EPG5: variants seen among roughly 807,000 people sequenced by gnomAD.
EPG5 encodes the protein ectopic P-granules 5 autophagy tethering factor, also known as ectopic P granules protein 5 homolog.
EPG5 carries 159 observed loss-of-function variants against 302.7 expected under a neutral mutation model. The ratio of observed to expected loss-of-function variants is 0.53; its 90% CI spans 0.46 to 0.60. EPG5 has a LOEUF of 0.60. Ranked by LOEUF, EPG5 falls within the 20% of genes least tolerant of loss-of-function variation. The pLI is 0.00. For synonymous variants in EPG5, 1,158 were observed against 1,136.8 expected, an observed-to-expected ratio of 1.02 and a Z score of -0.37; for missense variants, 2,896 against 3,092.4, an observed-to-expected ratio of 0.94 and a Z score of 1.51.
At chr18:45,952,066 G>A (rs1327100524) in intron 3 of EPG5, among the ~76,000 whole-genome samples, 4 of 152,156 alleles carry the variant, frequency 2.6e-5, no homozygotes, top group African/African-American at 4.8e-5. Context: ...GAAGTATTCC[G>A]ATGATTACTT....
chr18:45,816,145 T>C, the EPG5 span, among the ~76,000 whole-genome samples: 1 of 152,212 alleles, frequency 6.6e-6, no homozygotes, highest in African/African-American at 2.4e-5. Context: ...CAACTCAAGA[T>C]GGATTAAGGA....
chr18:45,925,907 T>C lies in EPG5; in HGVS notation c.2554-5A>G, dbSNP rs757039433. The C allele has an allele frequency of 1.5e-6, 2 of 1,377,300 alleles. No homozygotes were observed. Among genetic ancestry groups the C allele is most frequent in the South Asian group, 2.1e-5 (1 of 48,616 alleles). The allele number at this position is 1,377,300 out of a possible 1,614,324, so 85.3% of individuals were successfully genotyped here. Reference sequence around the variant, plus strand: ...TTTAAACAAGTATAGAGAAACCTTATTAAAAAGAAAACAATAATCATTAAA... The same window carrying C: ...TTTAAACAAGTATAGAGAAACCTTACTAAAAAGAAAACAATAATCATTAAA... On this transcript the variant is annotated splice_polypyrimidine_tract_variant and splice_region_variant and intron_variant, in intron 13 of 43. Transcript: ENST00000282041.
At position 45,870,553 on chromosome 18, in the gene EPG5, A is replaced by C; in HGVS notation, c.6225+14T>G. ...GATCTCTCTAGGCTGCGATGCCGGGAATGAAGGGCTTACTTTGAAGAAGGC... is the reference window on the plus strand; with the variant it reads ...GATCTCTCTAGGCTGCGATGCCGGGCATGAAGGGCTTACTTTGAAGAAGGC... On this transcript the variant is annotated intron_variant, in intron 36 of 43. Transcript: ENST00000282041. 6.2e-7 allele frequency: 1 copy of C among 1,610,174 alleles called. No individual in the cohort carries two copies. The highest frequency in any genetic ancestry group is 8.5e-7 in the Non-Finnish European group (1 of 1,177,106).
chr18:45,872,695 C>G (rs531537309), intron 35 of EPG5, among the ~76,000 whole-genome samples: 1 of 152,182 alleles, frequency 6.6e-6, no homozygotes, highest in East Asian at 1.9e-4. Flanking sequence ...CAGAGTGAGA[C>G]TCCTTGTCCA....
chr18:45,924,026 CAAAA>C (rs533114460), intron 14 of EPG5, among the ~76,000 whole-genome samples: 3 of 96,466 alleles, frequency 3.1e-5, no homozygotes, highest in Admixed American at 1.2e-4. Flanking sequence ...GATTCTGACT[CAAAA>C]AAAAAAAAAA....
At chr18:45,842,330 C>A in the EPG5 span, 3 of 784,936 alleles carry the variant, frequency 3.8e-6, 1 homozygote, top group Non-Finnish European at 2.1e-6. Context: ...AAGGTCAAGA[C>A]CCTGCTCAAG....
In EPG5 at chr18:45,952,459, T is replaced by C. The variant is rs748217443; in HGVS notation, c.1193A>G (p.Tyr398Cys). The C allele has an allele frequency of 9.9e-6, 16 of 1,614,204 alleles. No individual in the cohort carries two copies. Among genetic ancestry groups the C allele is most frequent in the African/African-American group, 9.3e-5 (7 of 75,054 alleles). ...LSRLQVESYI[Y>C]ALLSSSAVLR... ...AACAGCTGAACTACTGAGCAATGCATAGATGTAAGACTCCACTTGCAATCT... is the reference window on the plus strand; with the variant it reads ...AACAGCTGAACTACTGAGCAATGCACAGATGTAAGACTCCACTTGCAATCT... The change falls in exon 3 of 44, where the codon TAT (tyrosine) becomes TGT (cysteine). Residue 398 changes from tyrosine (Y) to cysteine (C), a missense_variant. This residue lies in a region of EPG5 where 1,390 missense variants were observed against 1,430.0 expected (regional missense o/e 0.97). Coordinates refer to ENST00000282041, the MANE Select transcript of EPG5 (RefSeq NM_020964.3).
At chr18:45,937,876 T>G (rs893683264) in intron 10 of EPG5, among the ~76,000 whole-genome samples, 2 of 152,200 alleles carry the variant, frequency 1.3e-5, no homozygotes, top group African/African-American at 4.8e-5. Flanking sequence ...TTAAGAACAA[T>G]AGCTGTCAAC....
chr18:45,891,953 G>A (rs920148228), intron 27 of EPG5, among the ~76,000 whole-genome samples: 5 of 152,130 alleles, frequency 3.3e-5, no homozygotes, highest in African/African-American at 7.2e-5. Flanking sequence ...CAGTTAGACC[G>A]GGACTATGCG....
At chr18:45,846,504 A>T (rs2048365257), downstream of EPG5, among the ~76,000 whole-genome samples, 1 of 144,918 alleles carries the variant, frequency 6.9e-6, no homozygotes, top group Non-Finnish European at 1.5e-5. Flanking sequence ...CTAGGCAACA[A>T]GAGCAAAACT....
At chr18:45,937,955 T>C (rs1319825957) in intron 10 of EPG5, among the ~76,000 whole-genome samples, 2 of 152,134 alleles carry the variant, frequency 1.3e-5, no homozygotes, top group East Asian at 1.9e-4. Context: ...GCTCAATATA[T>C]AAGCTCTAGT....
chr18:45,868,514 T>G (rs2048797587), intron 36 of EPG5, among the ~76,000 whole-genome samples: 1 of 151,422 alleles, frequency 6.6e-6, no homozygotes, highest in African/African-American at 2.4e-5. Context: ...ATTTTTTATT[T>G]TATTATTTTA....
the EPG5 span, among the ~76,000 whole-genome samples, chr18:45,801,716 T>C: frequency 6.6e-6 from 1 of 152,138 alleles, no homozygotes; most frequent in African/African-American, 2.4e-5. Flanking sequence ...CTTAATCACT[T>C]ACAGTCCCAC....
intron 30 of EPG5, among the ~76,000 whole-genome samples, chr18:45,883,262 C>T (rs1326365181): frequency 6.6e-6 from 1 of 152,060 alleles, no homozygotes; most frequent in Admixed American, 6.5e-5. Context: ...CCTTCACTGG[C>T]GACAGTGCCA....
At position 45,954,507 on chromosome 18, in the gene EPG5, G is replaced by A. The variant is rs767638289; in HGVS notation, c.895C>T (p.Arg299Ter). Reference sequence around the variant, plus strand: ...GCCAGCAGCAGTTGCTTCCTACATCGTGAGTAGTTCAAAAGCAACTCATAA... The same window carrying A: ...GCCAGCAGCAGTTGCTTCCTACATCATGAGTAGTTCAAAAGCAACTCATAA... Reference protein sequence around the residue: ...EFYELLLNYSRCRKQLLLAEA... With the variant: ...EFYELLLNYS The change falls in exon 2 of 44, where the codon CGA (arginine) becomes TGA (stop). Residue 299 changes from arginine to a stop codon, truncating the protein, a stop_gained. Coordinates refer to ENST00000282041, the MANE Select transcript of EPG5 (RefSeq NM_020964.3). LOFTEE classifies it high-confidence loss of function. 6 of 1,614,232 alleles carry A rather than the reference G, an allele frequency of 3.7e-6. No individual in the cohort carries two copies. The highest frequency in any genetic ancestry group is 1.6e-4 in the Middle Eastern group (1 of 6,062).
Position 45,948,472 on chromosome 18 carries a change from T to C in EPG5, c.1571+31A>G, listed in dbSNP as rs750581144. ...CCTTTAGAAGAAAGAAGCATTTCAA[T>C]CTCTACTTCACAAAGCTCTTGCACA... On this transcript the variant is annotated intron_variant, in intron 6 of 43. Coordinates refer to ENST00000282041, the MANE Select transcript of EPG5 (RefSeq NM_020964.3). The C allele has an allele frequency of 2.6e-6, 4 of 1,566,250 alleles. No individual in the cohort carries two copies. The Admixed American group carries it at 5.0e-5, about 20-fold the overall frequency.
chr18:45,946,042 G>C (rs529388901), intron 7 of EPG5, among the ~76,000 whole-genome samples: 1 of 152,314 alleles, frequency 6.6e-6, no homozygotes, highest in East Asian at 1.9e-4. Context: ...TAAAGGACTA[G>C]AACTGATAAT....
At chr18:45,889,600 G>A (rs933972298) in intron 28 of EPG5, among the ~76,000 whole-genome samples, 198 bp downstream of exon 28, 1 of 152,046 alleles carries the variant, frequency 6.6e-6, no homozygotes, top group Non-Finnish European at 1.5e-5. Flanking sequence ...TAAATAAATG[G>A]GGATGGCTGT....
chr18:45,945,548 A>G (rs1668766604), intron 7 of EPG5, among the ~76,000 whole-genome samples: 1 of 152,186 alleles, frequency 6.6e-6, no homozygotes, highest in Middle Eastern at 3.2e-3. Flanking sequence ...AAATATTTTG[A>G]CTGGAAGTAT....
Sources: allele counts gnomAD v4.1 joint callset (sites outside exome capture counted in the v4.1 genomes callset), GRCh38; gene constraint gnomAD v4.1.1; regional missense constraint gnomAD v4.1.1; transcripts MANE v1.5; gene names NCBI Gene and HGNC (gene_info 2026-07-23, HGNC 2026-07-21).